The following CFAP99 variants were observed in gnomAD, a reference collection of about 807,000 sequenced individuals.
CFAP99 encodes cilia- and flagella-associated protein 99.
Under a neutral mutation model 82.7 loss-of-function variants are expected in CFAP99, and 84 were observed. The observed-to-expected ratio is 1.02, with a 90% confidence interval of 0.85 to 1.22. CFAP99 has a LOEUF of 1.22. Ranked by LOEUF, CFAP99 falls within the 50% of genes most tolerant of loss-of-function variation. The pLI, the probability that CFAP99 is intolerant of heterozygous loss-of-function variation, is 0.00. For missense variants in CFAP99, 1,059 were observed against 983.5 expected (o/e 1.08, Z -1.03); for synonymous variants, 456 against 429.5 (o/e 1.06, Z -0.76).
Position 2,448,715 on chromosome 4 carries a change from AG to A in CFAP99, c.643-953del, listed in dbSNP as rs1368959688. Among the ~76,000 whole-genome samples the A allele has an allele frequency of 6.6e-6, 1 of 152,222 alleles. No homozygotes were observed. The highest frequency in any genetic ancestry group is 1.5e-5 in the Non-Finnish European group (1 of 68,030). ...CTCCCTCAAGTGTTTGAGGGTGGCC[AG>A]GAGGGGCTGGAGTGGAGTGAGGCAG... On this transcript the variant is annotated intron_variant, in intron 6 of 14. Transcript: ENST00000635017. The surrounding 1 kb of genome is among the most constrained non-coding windows in gnomAD (Gnocchi z 5.2).
At chr4:2,425,069 C>G (rs1363082740) in intron 1 of CFAP99, among the ~76,000 whole-genome samples, 1 of 152,220 alleles carries the variant, frequency 6.6e-6, no homozygotes, top group African/African-American at 2.4e-5. Flanking sequence ...ACTTTACCTT[C>G]CGTCTCCTGT....
intron 2 of CFAP99, chr4:2,426,796 C>G (rs1291848494): frequency 7.1e-6 from 4 of 560,660 alleles, no homozygotes; most frequent in Admixed American, 3.0e-5. Context: ...GTGAAAGAAG[C>G]CTTGGCCGGG....
chr4:2,458,737 G>A (rs1458635771), exon 12 of CFAP99: 7 of 1,534,584 alleles, frequency 4.6e-6, no homozygotes, highest in Non-Finnish European at 6.1e-6. Context: ...CCAAGCTGAT[G>A]CTGCAGCGTG....
chr4:2,430,314 G>A (rs2857945), intron 2 of CFAP99, among the ~76,000 whole-genome samples: 31 of 41,402 alleles, frequency 7.5e-4, no homozygotes, highest in African/African-American at 3.6e-3. Context: ...TACGCAATAC[G>A]TAAACCAAAC....
At chr4:2,459,228 G>A (rs80041146) in exon 13 of CFAP99, 91,014 of 1,535,418 alleles carry the variant, frequency 0.059, 3,072 homozygotes, top group Middle Eastern at 0.11. Context: ...CACAGCCCAC[G>A]CGCAAGGGCA....
intron 6 of CFAP99, among the ~76,000 whole-genome samples, chr4:2,447,365 G>C (rs1734188032): frequency 6.6e-6 from 1 of 151,176 alleles, no homozygotes. Context: ...TGGATGGATG[G>C]ATGATTGGAT....
At chr4:2,450,918 G>C (rs1204110057) in intron 8 of CFAP99, 29 bp from the exon 9 acceptor site, 2 of 1,533,802 alleles carry the variant, frequency 1.3e-6, no homozygotes, top group East Asian at 4.9e-5. Context: ...ACAGGTGCCA[G>C]GCGGCCAGCT....
chr4:2,437,888 T>C (rs1733950998), intron 3 of CFAP99, among the ~76,000 whole-genome samples, 182 bp from the exon 4 acceptor site: 1 of 152,210 alleles, frequency 6.6e-6, no homozygotes, highest in Non-Finnish European at 1.5e-5. Flanking sequence ...AAACCACAAA[T>C]GCATTGCACT....
At chr4:2,461,995 TAA>T (rs879828905) in intron 14 of CFAP99, among the ~76,000 whole-genome samples, 1 of 143,142 alleles carries the variant, frequency 7.0e-6, no homozygotes, top group African/African-American at 2.6e-5. Context: ...ATGTTAAGTT[TAA>T]AAAAAAAAAA....
chr4:2,436,844 A>G lies in CFAP99; in HGVS notation c.112-30A>G, dbSNP rs966752186. 6 of 1,458,248 alleles carry G rather than the reference A, an allele frequency of 4.1e-6. No homozygotes were observed. The Admixed American group carries it at 1.2e-4, about 30-fold the overall frequency. The allele number at this position is 1,458,248 out of a possible 1,614,324, so 90.3% of individuals were successfully genotyped here. A position where few individuals can be genotyped will look rare whatever the true frequency, so the allele number is the denominator to read the frequency against. On this transcript the variant is annotated intron_variant, in intron 2 of 14. Transcript: ENST00000635017. Reference sequence around the variant, plus strand: ...GCCGCCCTTTCCTCCCGGCCCAGCCAGGGCCCCCCACCGGCTGTCTCTCTT... The same window carrying G: ...GCCGCCCTTTCCTCCCGGCCCAGCCGGGGCCCCCCACCGGCTGTCTCTCTT...
chr4:2,458,590 TG>T, intron 11 of CFAP99, 132 bp from the exon 12 acceptor site: 1 of 1,176,962 alleles, frequency 8.5e-7, no homozygotes, highest in Non-Finnish European at 1.1e-6. Flanking sequence ...GGCTTAGACC[TG>T]GGTTCTGGGG....
At position 2,445,228 on chromosome 4, in the gene CFAP99, A is replaced by T. The variant is rs188492471; in HGVS notation, c.562A>T (p.Lys188Ter). 2.7e-3 allele frequency: 3,917 copies of T among 1,455,700 alleles called. 9 individuals carry two copies. Among genetic ancestry groups the T allele is most frequent in the Non-Finnish European group, 2.8e-3 (3,104 of 1,106,724 alleles). The allele number at this position is 1,455,700 out of a possible 1,614,324, so 90.2% of individuals were successfully genotyped here. Reference sequence around the variant, plus strand: ...GACCAAGGCCAAGGTCACAGAGCCCAAGGAATTCAACCTGACTGCCCCCAG... The same window carrying T: ...GACCAAGGCCAAGGTCACAGAGCCCTAGGAATTCAACCTGACTGCCCCCAG... The change falls in exon 6 of 15, where the codon AAG (lysine) becomes TAG (stop). Residue 188 changes from lysine (K) to a stop codon, truncating the protein, a stop_gained. Coordinates refer to ENST00000635017, the Ensembl canonical transcript of CFAP99. LOFTEE classifies it high-confidence loss of function.
intron 1 of CFAP99, among the ~76,000 whole-genome samples, chr4:2,425,117 C>T (rs956311815): frequency 3.9e-5 from 6 of 152,204 alleles, no homozygotes; most frequent in Non-Finnish European, 5.9e-5. Context: ...TTGGTTTTCA[C>T]GAGCCCTCTC....
intron 14 of CFAP99, among the ~76,000 whole-genome samples, chr4:2,460,772 A>G (rs1485271045): frequency 1.3e-5 from 2 of 152,082 alleles, no homozygotes; most frequent in African/African-American, 4.8e-5. Context: ...GTTTTTTGAG[A>G]CAGAGTCTTG....
chr4:2,452,717 T>A (rs1338995888), intron 11 of CFAP99, among the ~76,000 whole-genome samples: 1 of 152,216 alleles, frequency 6.6e-6, no homozygotes, highest in Non-Finnish European at 1.5e-5. Flanking sequence ...CATCTGTGTC[T>A]GTATTCAATT....
chr4:2,460,352 CCAGGAAGT>C (rs1734592743), intron 14 of CFAP99, 110 bp downstream of exon 14: 1 of 959,702 alleles, frequency 1.0e-6, no homozygotes, highest in Non-Finnish European at 1.6e-6. Flanking sequence ...ACCCTCCTGC[CCAGGAAGT>C]TCCCTTGCCG....
At chr4:2,444,426 T>A (rs931064581) in intron 5 of CFAP99, among the ~76,000 whole-genome samples, 23 of 152,200 alleles carry the variant, frequency 1.5e-4, no homozygotes, top group African/African-American at 5.5e-4. Context: ...CTCCACTTGC[T>A]ATGGGCCCTG....
chr4:2,452,001 G>A (rs905257244), intron 10 of CFAP99, 141 bp from the exon 11 acceptor site: 1 of 795,290 alleles, frequency 1.3e-6, no homozygotes, highest in African/African-American at 1.7e-5. Context: ...GGGATAGGAG[G>A]AAGGGCAGGC....
chr4:2,449,164 C>T (rs999428709), intron 6 of CFAP99, among the ~76,000 whole-genome samples: 4 of 152,006 alleles, frequency 2.6e-5, no homozygotes, highest in African/African-American at 7.3e-5. Flanking sequence ...GACACAGCTC[C>T]GGCCATATTA....
Sources: allele counts gnomAD v4.1 joint callset (sites outside exome capture counted in the v4.1 genomes callset), GRCh38; gene constraint gnomAD v4.1.1; non-coding constraint Gnocchi (gnomAD v3.1); transcripts MANE v1.5; gene names NCBI Gene and HGNC (gene_info 2026-07-23, HGNC 2026-07-21).